GRHPR: variants seen among roughly 807,000 people sequenced by gnomAD.
GRHPR encodes the protein glyoxylate and hydroxypyruvate reductase, also known as glyoxylate reductase/hydroxypyruvate reductase.
In GRHPR, 35 loss-of-function variants were observed where a neutral mutation model predicts 36.8. That is an observed-to-expected ratio of 0.95 (90% confidence interval 0.73 to 1.26). GRHPR has a LOEUF of 1.26. GRHPR is among the 50% of genes most tolerant of loss of function. The pLI is 0.00. For missense variants in GRHPR, 380 were observed against 435.0 expected, an observed-to-expected ratio of 0.87 and a Z score of 1.12; for synonymous variants, 179 against 181.0, an observed-to-expected ratio of 0.99 and a Z score of 0.09.
intron 1 of GRHPR, among the ~76,000 whole-genome samples, chr9:37,424,358 T>C (rs540825478): frequency 6.6e-6 from 1 of 152,328 alleles, no homozygotes; most frequent in East Asian, 1.9e-4. Flanking sequence ...CTGGGACAAA[T>C]ATCTGGTTGC....
Position 37,425,902 on chromosome 9 carries a change from A to T in GRHPR, c.215-20A>T. ...AGTTCCTCGAGGAAAGATACTAACA[A>T]TGCACTTTCTGCACAACAGGGGCCA... On this transcript the variant is annotated intron_variant, in intron 2 of 8. Transcript: ENST00000318158. 1 of 1,581,556 alleles carries T rather than the reference A, an allele frequency of 6.3e-7. No individual in the cohort carries two copies. Among genetic ancestry groups the T allele is most frequent in the Non-Finnish European group, 8.7e-7 (1 of 1,150,284 alleles).
Position 37,426,615 on chromosome 9 carries a change from C to T in GRHPR, c.365C>T (p.Thr122Ile), listed in dbSNP as rs200249904. ...AELAVSLLLT[T>I]CRRLPEAIEE... ...CTCGCAGTCTCCCTGCTACTTACCA[C>T]CTGCCGCCGGTTGCCGGAGGCCATC... The change falls in exon 4 of 9, where the codon ACC (threonine) becomes ATC (isoleucine). Residue 122 changes from threonine to isoleucine, a missense_variant. Coordinates refer to ENST00000318158, the MANE Select transcript of GRHPR (RefSeq NM_012203.2). 2.5e-6 allele frequency: 4 copies of T among 1,613,664 alleles called. No homozygotes were observed. Among genetic ancestry groups the T allele is most frequent in the African/African-American group, 2.7e-5 (2 of 75,028 alleles).
At chr9:37,430,810 C>A (rs1823327014) in intron 7 of GRHPR, 164 bp downstream of exon 7, 2 of 727,802 alleles carry the variant, frequency 2.7e-6, no homozygotes, top group Non-Finnish European at 5.0e-6. Flanking sequence ...ATACACGAGA[C>A]CTCCGTACAG....
At chr9:37,437,762 T>A (rs1427981723), downstream of GRHPR, among the ~76,000 whole-genome samples, 3 of 151,918 alleles carry the variant, frequency 2.0e-5, no homozygotes, top group Non-Finnish European at 4.4e-5. Flanking sequence ...GCCAATGCCT[T>A]GCTCTGTGCT....
intron 5 of GRHPR, 161 bp from the exon 6 acceptor site, chr9:37,429,571 G>T (rs1266011048): frequency 1.4e-5 from 10 of 715,010 alleles, no homozygotes; most frequent in Non-Finnish European, 2.6e-5. Flanking sequence ...AGTTACAGTG[G>T]GGCAGCCAGC....
chr9:37,422,768 C>T lies in GRHPR; in HGVS notation c.18C>T (p.Leu6=), dbSNP rs111232251. 1 of 1,595,294 alleles carries T rather than the reference C, an allele frequency of 6.3e-7. No individual in the cohort carries two copies. Among genetic ancestry groups the T allele is most frequent in the Non-Finnish European group, 8.5e-7 (1 of 1,172,520 alleles). Residue 6 remains leucine (L), a synonymous_variant, in exon 1 of 9, where the codon CTC becomes CTT. Coordinates refer to ENST00000318158, the MANE Select transcript of GRHPR (RefSeq NM_012203.2). ...CACTGCGGATGAGACCGGTGCGACT[C>T]ATGAAGGTGTTCGTCACCCGCAGGA... The part of the protein sequence containing the change: MRPVR[L]MKVFVTRRIP...
intron 5 of GRHPR, 142 bp from the exon 6 acceptor site, chr9:37,429,590 C>T (rs1323761818): frequency 5.4e-6 from 4 of 746,236 alleles, no homozygotes; most frequent in African/African-American, 5.1e-5. Context: ...GCCCCCCACC[C>T]GCTTTGGAGG....
upstream of GRHPR, chr9:37,422,516 C>T: frequency 1.8e-6 from 1 of 550,678 alleles, no homozygotes; most frequent in South Asian, 2.1e-5. Context: ...GCACGAGGCG[C>T]ACCCCCCCAC....
chr9:37,430,593 C>T lies in GRHPR; in HGVS notation c.681C>T (p.Asn227=). The T allele has an allele frequency of 6.2e-7, 1 of 1,613,558 alleles. No individual in the cohort carries two copies. Residue 227 remains asparagine (N), a synonymous_variant, in exon 7 of 9, where the codon AAC becomes AAT. Transcript: ENST00000318158. The part of the protein sequence containing the change: ...SLTPATEGLC[N]KDFFQKMKET... ...CACCTGCAACCGAGGGACTCTGCAA[C>T]AAGGACTTCTTCCAGAAGATGAAGG...
In GRHPR at chr9:37,432,305, C is replaced by A. The variant is rs144934839; in HGVS notation, c.865+167C>A. On this transcript the variant is annotated intron_variant, in intron 8 of 8. Coordinates refer to ENST00000318158, the MANE Select transcript of GRHPR (RefSeq NM_012203.2). ...TGTTGTCAGTGACATGGGTGTATGA[C>A]AGGAGCAGTCCTCTTGCGCATGCTC... 2.0e-4 allele frequency: 131 copies of A among 670,824 alleles called. No individual in the cohort carries two copies. In the African/African-American group the frequency reaches 2.2e-3, roughly 11 times the overall value. The allele number at this position is 670,824 out of a possible 1,614,324, so 41.6% of individuals were successfully genotyped here. A position where few individuals can be genotyped will look rare whatever the true frequency, so the allele number is the denominator to read the frequency against.
At chr9:37,434,578 T>C (rs779635406) in intron 8 of GRHPR, 4 of 270,138 alleles carry the variant, frequency 1.5e-5, no homozygotes, top group Non-Finnish European at 3.0e-5. Context: ...GGAGGAGGGG[T>C]CAAGTTAATG....
At chr9:37,423,639 T>A (rs1394752636) in intron 1 of GRHPR, among the ~76,000 whole-genome samples, 1 of 151,986 alleles carries the variant, frequency 6.6e-6, no homozygotes, top group Non-Finnish European at 1.5e-5. Flanking sequence ...CATGCCTGGC[T>A]AATTTTTTAT....
At chr9:37,432,345 C>A (rs2118892181) in intron 8 of GRHPR, 1 of 565,552 alleles carries the variant, frequency 1.8e-6, no homozygotes, top group Non-Finnish European at 3.3e-6. Flanking sequence ...GGGTCTCTGT[C>A]CCTAAAGGAA....
At chr9:37,428,359 A>G in intron 4 of GRHPR, 125 bp from the exon 5 acceptor site, 3 of 716,552 alleles carry the variant, frequency 4.2e-6, no homozygotes, top group Non-Finnish European at 2.6e-6. Context: ...GCCTCATCCC[A>G]CTCTCAGTCC....
intron 7 of GRHPR, chr9:37,431,047 A>G (rs1411840834): frequency 2.1e-6 from 1 of 474,548 alleles, no homozygotes; most frequent in Non-Finnish European, 4.4e-6. Context: ...GTTCAGTGAT[A>G]CTTTGAACCT....
chr9:37,422,502 A>G (rs1170856049), upstream of GRHPR, among the ~76,000 whole-genome samples: 1 of 144,576 alleles, frequency 6.9e-6, no homozygotes, highest in Non-Finnish European at 1.5e-5. Context: ...CTGATTCCCC[A>G]GTGGCACGAG....
At chr9:37,432,437 TG>T (rs2118892674) in intron 8 of GRHPR, 1 of 357,816 alleles carries the variant, frequency 2.8e-6, no homozygotes, top group Non-Finnish European at 5.5e-6. Context: ...CCCAGCACTT[TG>T]GGAGGCTGAG....
intron 6 of GRHPR, 183 bp from the exon 7 acceptor site, chr9:37,430,328 C>A: frequency 1.5e-6 from 1 of 681,288 alleles, no homozygotes; most frequent in South Asian, 1.6e-5. Context: ...CCAGAGTGGT[C>A]CAGATCCCAC....
chr9:37,436,307 G>A (rs1339228444), intron 8 of GRHPR, among the ~76,000 whole-genome samples: 1 of 152,122 alleles, frequency 6.6e-6, no homozygotes, highest in Non-Finnish European at 1.5e-5. Context: ...ACGGGGTTTT[G>A]CCATGTTGCC....
Sources: allele counts gnomAD v4.1 joint callset (sites outside exome capture counted in the v4.1 genomes callset), GRCh38; gene constraint gnomAD v4.1.1; transcripts MANE v1.5; gene names NCBI Gene and HGNC (gene_info 2026-07-23, HGNC 2026-07-21).